Variants in MED27 observed in about 807,000 individuals in gnomAD.
The protein encoded by MED27 is mediator complex subunit 27.
A neutral mutation model predicts 38.2 loss-of-function variants in MED27; 30 were observed. The observed-to-expected ratio is 0.79, with a 90% CI of 0.59 to 1.07. The LOEUF is 1.07. Ranked by LOEUF, MED27 falls within the 50% of genes least tolerant of loss-of-function variation. The pLI, the probability that MED27 is intolerant of heterozygous loss-of-function variation, is 0.00. For missense variants in MED27, 289 were observed against 397.5 expected, an observed-to-expected ratio of 0.73 and a Z score of 2.32; for synonymous variants, 122 against 153.5, an observed-to-expected ratio of 0.79 and a Z score of 1.52.
At chr9:131,985,172 G>C (rs1831822258) in intron 3 of MED27, among the ~76,000 whole-genome samples, 1 of 151,950 alleles carries the variant, frequency 6.6e-6, no homozygotes, top group Admixed American at 6.6e-5. Context: ...GCTTGCTTTG[G>C]TTCTTTGCCT....
Position 132,073,447 on chromosome 9 carries a change from C to A in MED27, c.348+3995G>T. 3 of 1,126,836 alleles carry A rather than the reference C, an allele frequency of 2.7e-6. No individual in the cohort carries two copies. The East Asian group carries it at 1.4e-4, about 52-fold the overall frequency. The allele number at this position is 1,126,836 out of a possible 1,614,324, so 69.8% of individuals were successfully genotyped here. A position where few individuals can be genotyped will look rare whatever the true frequency, so the allele number is the denominator to read the frequency against. ...CTTGCTAGTTGCTGGGGACTCCCAG[C>A]AAGGAACAAGATGGACATGGTGCCT... On this transcript the variant is annotated intron_variant, in intron 2 of 7. Transcript: ENST00000292035.
intron 3 of MED27, among the ~76,000 whole-genome samples, chr9:131,958,409 C>A (rs2130994617): frequency 6.6e-6 from 1 of 152,196 alleles, no homozygotes; most frequent in East Asian, 1.9e-4. Context: ...CCGTGCCTGG[C>A]TAATTTTTTT....
intron 2 of MED27, among the ~76,000 whole-genome samples, chr9:132,076,485 A>T (rs187987498): frequency 3.3e-5 from 5 of 152,320 alleles, no homozygotes; most frequent in African/African-American, 1.2e-4. Flanking sequence ...CAAAGAAAAA[A>T]TTCTGCACAC....
At chr9:132,079,383 T>A (rs919651350) in intron 1 of MED27, among the ~76,000 whole-genome samples, 4 of 151,976 alleles carry the variant, frequency 2.6e-5, no homozygotes, top group Non-Finnish European at 5.9e-5. Context: ...GCCTCCTTGT[T>A]AGGAATGGAA....
At chr9:131,993,531 A>G (rs1390711599) in intron 3 of MED27, among the ~76,000 whole-genome samples, 1 of 152,140 alleles carries the variant, frequency 6.6e-6, no homozygotes, top group Non-Finnish European at 1.5e-5. Context: ...TAGAGTTAAC[A>G]CTGATTCTCA....
chr9:131,917,357 T>C lies in MED27; in HGVS notation c.573+22024A>G, dbSNP rs1486389430. ...CTGAGGCCGGGTTATACAGACCATG[T>C]ACACCACCTATCCTAGAAAGGGGGG... On this transcript the variant is annotated intron_variant, in intron 4 of 7. Coordinates refer to ENST00000292035, the MANE Select transcript of MED27 (RefSeq NM_004269.4). This position sits in a 1 kb window ranked among gnomAD's most constrained non-coding sequence, Gnocchi z 4.6. Among the ~76,000 whole-genome samples the C allele has an allele frequency of 6.6e-6, 1 of 152,110 alleles. No homozygotes were observed. Among genetic ancestry groups the C allele is most frequent in the African/African-American group, 2.4e-5 (1 of 41,402 alleles).
rs1488325913 is a variant in MED27, at chr9:131,912,097, C to T, written c.574-18105G>A. 2.6e-5 allele frequency among the ~76,000 whole-genome samples: 4 copies of T among 152,272 alleles called. No homozygotes were observed. The East Asian group carries it at 7.7e-4, about 29-fold the overall frequency. On this transcript the variant is annotated intron_variant, in intron 4 of 7. Coordinates refer to ENST00000292035, the MANE Select transcript of MED27 (RefSeq NM_004269.4). ...TGAGACTCTATATTAAACTATATAA[C>T]CAAGAGACCAATTAGATTCTGGAGT...
intron 4 of MED27, among the ~76,000 whole-genome samples, chr9:131,904,542 G>GC (rs60319015): frequency 1.9e-4 from 29 of 149,906 alleles, no homozygotes; most frequent in African/African-American, 6.9e-4. Context: ...TAGAGATCGG[G>GC]GGGGAGCGGT....
intron 6 of MED27, among the ~76,000 whole-genome samples, chr9:131,879,315 G>T (rs1044123587): frequency 6.6e-6 from 1 of 152,222 alleles, no homozygotes; most frequent in African/African-American, 2.4e-5. Flanking sequence ...GTGGGCACGG[G>T]TGGGGGGCGT....
chr9:132,059,282 C>T lies in MED27; in HGVS notation c.348+18160G>A, dbSNP rs568444755. 7.9e-5 allele frequency among the ~76,000 whole-genome samples: 12 copies of T among 152,328 alleles called. 1 individual carries two copies. The South Asian group carries it at 2.5e-3, about 32-fold the overall frequency. Reference sequence around the variant, plus strand: ...CAGAGAGGGCAAGAGGAACAGATCACCCTCAGAAAGACTCTGGTGGAGCAC... The same window carrying T: ...CAGAGAGGGCAAGAGGAACAGATCATCCTCAGAAAGACTCTGGTGGAGCAC... On this transcript the variant is annotated intron_variant, in intron 2 of 7. Coordinates refer to ENST00000292035, the MANE Select transcript of MED27 (RefSeq NM_004269.4).
At chr9:132,014,254 A>T in intron 3 of MED27, 83 bp downstream of exon 3, 2 of 1,414,518 alleles carry the variant, frequency 1.4e-6, no homozygotes, top group Non-Finnish European at 1.9e-6. Context: ...TGAAGAAAAC[A>T]GTAACTTTCC....
At chr9:132,062,557 T>C (rs961018264) in intron 2 of MED27, among the ~76,000 whole-genome samples, 34 of 151,798 alleles carry the variant, frequency 2.2e-4, no homozygotes, top group Admixed American at 2.0e-3. Context: ...CTGGACCACA[T>C]AACGAGCTAC....
chr9:131,891,452 A>G (rs889312071), intron 5 of MED27, among the ~76,000 whole-genome samples: 2 of 152,240 alleles, frequency 1.3e-5, no homozygotes, highest in African/African-American at 4.8e-5. Context: ...AGAATAAAAG[A>G]AGATAAAAAG....
intron 3 of MED27, among the ~76,000 whole-genome samples, chr9:132,009,858 T>G (rs1369399465): frequency 6.6e-6 from 1 of 152,252 alleles, no homozygotes; most frequent in African/African-American, 2.4e-5. Context: ...ATTTTCTTAA[T>G]GACAAAAAGT....
chr9:132,059,494 G>A (rs941149102), intron 2 of MED27, among the ~76,000 whole-genome samples: 40 of 152,338 alleles, frequency 2.6e-4, no homozygotes, highest in African/African-American at 8.4e-4. Context: ...CCAAGGCTGC[G>A]CCTCACAGCC....
chr9:132,054,339 C>T (rs1490446413), intron 2 of MED27, among the ~76,000 whole-genome samples: 1 of 152,194 alleles, frequency 6.6e-6, no homozygotes, highest in South Asian at 2.1e-4. Context: ...GTAAGAGCTC[C>T]CTGAGGCCTC....
At chr9:131,894,022 A>G in intron 4 of MED27, 30 bp from the exon 5 acceptor site, 2 of 1,572,868 alleles carry the variant, frequency 1.3e-6, no homozygotes, top group Non-Finnish European at 1.8e-6. Flanking sequence ...CTGACACTTG[A>G]ACACGCAAAT....
rs776591449 is a variant in MED27 at position 132,079,627 on chromosome 9, T to C, written c.203+15A>G. On this transcript the variant is annotated intron_variant, in intron 1 of 7. Transcript: ENST00000292035. The stretch of plus-strand genomic sequence containing the variant: ...GGGCCGGTCCCCGACCCCGGCCCCT[T>C]CAGCCGGTACCTACTTGAGGTCCCG... 2.2e-5 allele frequency: 35 copies of C among 1,612,050 alleles called. No individual in the cohort carries two copies. In the African/African-American group the frequency reaches 4.5e-4, roughly 21 times the overall value.
intron 6 of MED27, among the ~76,000 whole-genome samples, chr9:131,864,764 G>A (rs975526301): frequency 1.3e-5 from 2 of 152,266 alleles, no homozygotes; most frequent in Non-Finnish European, 2.9e-5. Flanking sequence ...CAGGCAAGCC[G>A]GGGCCCGGCC....
Sources: gnomAD v4.1 joint callset for allele counts (sites outside exome capture counted in the v4.1 genomes callset) on GRCh38, gnomAD v4.1.1 for gene constraint, Gnocchi (gnomAD v3.1) non-coding constraint, MANE v1.5 for transcripts, NCBI Gene and HGNC (gene_info 2026-07-23, HGNC 2026-07-21) for gene names.